The following ITGA2 variants were observed in gnomAD, a reference collection of about 807,000 sequenced individuals.
The protein encoded by ITGA2 is integrin alpha-2.
ITGA2 carries 101 observed loss-of-function variants against 146.3 expected under a neutral mutation model. The observed-to-expected ratio is 0.69, with a 90% confidence interval of 0.59 to 0.81. The LOEUF is 0.81. Ranked by LOEUF, ITGA2 falls within the 40% of genes least tolerant of loss-of-function variation. The pLI is 0.00. For missense variants in ITGA2, 1,281 were observed against 1,402.7 expected (o/e 0.91, Z 1.39); for synonymous variants, 477 against 487.1 (o/e 0.98, Z 0.27).
At chr5:53,037,561 T>A (rs1743549237) in intron 2 of ITGA2, among the ~76,000 whole-genome samples, 1 of 152,202 alleles carries the variant, frequency 6.6e-6, no homozygotes, top group Admixed American at 6.5e-5. Context: ...AATGCCACAA[T>A]TTTCTTGGAA....
chr5:53,017,982 C>T (rs1742478224), intron 1 of ITGA2, among the ~76,000 whole-genome samples: 2 of 151,998 alleles, frequency 1.3e-5, no homozygotes, highest in South Asian at 4.1e-4. Flanking sequence ...CTGCTGGAGC[C>T]CTCTGATGGC....
chr5:53,017,894 C>T (rs761033881), intron 1 of ITGA2, among the ~76,000 whole-genome samples: 9 of 151,940 alleles, frequency 5.9e-5, no homozygotes, highest in Non-Finnish European at 1.3e-4. Flanking sequence ...TGGCAAAATG[C>T]TGGGGAGAGG....
At position 53,087,414 on chromosome 5, in the gene ITGA2, G is replaced by T. The variant is rs151327389; in HGVS notation, c.3348+373G>T. On this transcript the variant is annotated intron_variant, in intron 28 of 29. Transcript: ENST00000296585. The stretch of plus-strand genomic sequence containing the variant: ...TCCTGCTTACACAAAATGGTCTGGA[G>T]CTTAGGCCACAAAACTTAATCATGC... Among the ~76,000 whole-genome samples the T allele has an allele frequency of 9.7e-4, 148 of 152,254 alleles. 1 individual carries two copies. The highest frequency in any genetic ancestry group is 3.4e-3 in the African/African-American group (142 of 41,552).
intron 27 of ITGA2, among the ~76,000 whole-genome samples, chr5:53,084,662 A>G (rs891990905): frequency 6.7e-6 from 1 of 150,190 alleles, no homozygotes; most frequent in African/African-American, 2.5e-5. Context: ...TAAGACGTGA[A>G]GCGTGCCGTT....
chr5:53,038,600 C>T (rs1011149245), intron 2 of ITGA2, among the ~76,000 whole-genome samples: 1 of 152,162 alleles, frequency 6.6e-6, no homozygotes, highest in African/African-American at 2.4e-5. Context: ...GAACCCACCT[C>T]ATCTGCTAAG....
chr5:53,070,341 T>C, intron 17 of ITGA2, 81 bp downstream of exon 17: 1 of 1,421,376 alleles, frequency 7.0e-7, no homozygotes, highest in Non-Finnish European at 9.9e-7. Flanking sequence ...TGGAAGCTTA[T>C]GAGTTAGAAA....
chr5:53,077,866 C>T (rs3212602), intron 23 of ITGA2, among the ~76,000 whole-genome samples: 5,027 of 152,106 alleles, frequency 0.033, 133 homozygotes, highest in East Asian at 0.075. Context: ...ATAGAATCAA[C>T]ATTCTATAAT....
At chr5:53,040,320 ATAC>A (rs907320607) in intron 2 of ITGA2, among the ~76,000 whole-genome samples, 1 of 152,178 alleles carries the variant, frequency 6.6e-6, no homozygotes, top group African/African-American at 2.4e-5. Context: ...ATGCTGTGTA[ATAC>A]TACTATGAAA....
intron 24 of ITGA2, among the ~76,000 whole-genome samples, chr5:53,079,216 T>A (rs1052712716): frequency 1.3e-5 from 2 of 152,108 alleles, no homozygotes; most frequent in Non-Finnish European, 2.9e-5. Context: ...TTATGTGTCT[T>A]GGGTAAGGGA....
In ITGA2 at chr5:52,989,452, C is replaced by T; in HGVS notation, c.-17C>T. 3 of 1,614,082 alleles carry T rather than the reference C, an allele frequency of 1.9e-6. No individual in the cohort carries two copies. The highest frequency in any genetic ancestry group is 1.1e-5 in the South Asian group (1 of 91,086). ...CTGCAAACCCAGCGCAACTACGGTC[C>T]CCCGGTCAGACCCAGGATGGGGCCA... is the stretch of plus-strand genomic sequence containing the variant. On this transcript the variant is annotated 5_prime_UTR_variant, in exon 1 of 30. Coordinates refer to ENST00000296585, the MANE Select transcript of ITGA2 (RefSeq NM_002203.4).
At chr5:53,059,824 T>A (rs1230942085) in intron 10 of ITGA2, 50 bp from the exon 11 acceptor site, 1 of 1,577,582 alleles carries the variant, frequency 6.3e-7, no homozygotes, top group African/African-American at 1.3e-5. Context: ...TGCATTCTTA[T>A]GTTTTAAAGG....
chr5:53,044,976 T>C, intron 3 of ITGA2, 25 bp from the exon 4 acceptor site: 9 of 1,561,020 alleles, frequency 5.8e-6, no homozygotes, highest in Non-Finnish European at 7.1e-6. Context: ...TTAATCACTT[T>C]TAAAAATTGT....
intron 7 of ITGA2, among the ~76,000 whole-genome samples, chr5:53,054,353 A>T (rs1744528364): frequency 1.3e-5 from 2 of 152,192 alleles, no homozygotes; most frequent in South Asian, 4.1e-4. Context: ...CAAAGATTTA[A>T]CTTTCCCGAC....
chr5:53,019,457 T>C (rs1742560777), intron 1 of ITGA2, among the ~76,000 whole-genome samples: 1 of 152,142 alleles, frequency 6.6e-6, no homozygotes, highest in African/African-American at 2.4e-5. Context: ...CCCTGCCCAT[T>C]AGTCATGTAG....
At chr5:53,022,857 A>T (rs1022811291) in intron 1 of ITGA2, among the ~76,000 whole-genome samples, 1 of 152,204 alleles carries the variant, frequency 6.6e-6, no homozygotes, top group Admixed American at 6.5e-5. Flanking sequence ...GAGTTAACTT[A>T]TGCTTGACTA....
At chr5:53,034,939 A>G (rs1454013177) in intron 2 of ITGA2, among the ~76,000 whole-genome samples, 1 of 152,212 alleles carries the variant, frequency 6.6e-6, no homozygotes, top group Non-Finnish European at 1.5e-5. Flanking sequence ...GTGCAGATAT[A>G]TAGGTTTTGC....
chr5:53,093,840 T>C lies in ITGA2; in HGVS notation c.*3241T>C, dbSNP rs892932541. 2.0e-5 allele frequency: 3 copies of C among 152,592 alleles called. No individual in the cohort carries two copies. Among genetic ancestry groups the C allele is most frequent in the Non-Finnish European group, 4.4e-5 (3 of 68,022 alleles). 9.5% of individuals were successfully genotyped at this position (152,592 alleles called of 1,614,324 possible). The stretch of plus-strand genomic sequence containing the variant: ...CTTATAAAATAGTAAGATAGTAAAA[T>C]AGCTTATGAAGAAACTACAGAGATT... On this transcript the variant is annotated 3_prime_UTR_variant, in exon 30 of 30. Coordinates refer to ENST00000296585, the MANE Select transcript of ITGA2 (RefSeq NM_002203.4).
At chr5:53,059,795 T>G (rs1744815848) in intron 10 of ITGA2, 79 bp from the exon 11 acceptor site, 7 of 1,272,200 alleles carry the variant, frequency 5.5e-6, no homozygotes, top group Non-Finnish European at 7.9e-6. Context: ...AACAACTTAT[T>G]TCAATGTTTT....
chr5:53,060,957 C>T lies in ITGA2; in HGVS notation c.1369C>T (p.Pro457Ser). 6.2e-7 allele frequency: 1 copy of T among 1,612,430 alleles called. No homozygotes were observed. The highest frequency in any genetic ancestry group is 8.5e-7 in the Non-Finnish European group (1 of 1,178,946). ...GESTHFVAGA[P>S]RANYTGQIVL... is the part of the protein sequence containing the mutation. ...AAGCACTCACTTTGTTGCTGGTGCT[C>T]CTCGGGCAAATTATACCGGCCAGAT... The change falls in exon 12 of 30, where the codon CCT (proline) becomes TCT (serine). Residue 457 changes from proline to serine, a missense_variant. Transcript: ENST00000296585.
Sources: gnomAD v4.1 joint callset for allele counts (sites outside exome capture counted in the v4.1 genomes callset) on GRCh38, gnomAD v4.1.1 for gene constraint, MANE v1.5 for transcripts, NCBI Gene and HGNC (gene_info 2026-07-23, HGNC 2026-07-21) for gene names.